The following CCSER1 variants were observed in gnomAD, a reference collection of about 807,000 sequenced individuals.
CCSER1 encodes coiled-coil serine rich protein 1.
Under a neutral mutation model 82.0 loss-of-function variants are expected in CCSER1, and 41 were observed. That is an observed-to-expected ratio of 0.50 (90% confidence interval 0.39 to 0.65). CCSER1 has a LOEUF of 0.65. CCSER1 is among the 30% of genes least tolerant of loss of function. The pLI is 0.00. For synonymous variants in CCSER1, 414 were observed against 383.9 expected (o/e 1.08, Z -0.92); for missense variants, 1,119 against 1,064.2 (o/e 1.05, Z -0.72).
In CCSER1 at chr4:90,912,646, T is replaced by C. The variant is rs1163661475; in HGVS notation, c.2095-10724T>C. Among the ~76,000 whole-genome samples the C allele has an allele frequency of 3.3e-5, 5 of 152,142 alleles. No individual in the cohort carries two copies. The South Asian group carries it at 8.3e-4, about 25-fold the overall frequency. On this transcript the variant is annotated intron_variant, in intron 8 of 10. Coordinates refer to ENST00000509176, the MANE Select transcript of CCSER1 (RefSeq NM_001145065.2). Reference sequence around the variant, plus strand: ...GAACAAAGCTGGACGGAGAACGACATTGACGAGCTGAGAGAAGAAGGCTTC... The same window carrying C: ...GAACAAAGCTGGACGGAGAACGACACTGACGAGCTGAGAGAAGAAGGCTTC...
chr4:91,370,040 T>C lies in CCSER1; in HGVS notation c.2218-228532T>C, dbSNP rs114016483. On this transcript the variant is annotated intron_variant, in intron 10 of 10. Coordinates refer to ENST00000509176, the MANE Select transcript of CCSER1 (RefSeq NM_001145065.2). ...TTACTTCTAAACTATATGATACTTA[T>C]TGTGGTTTCTTAAAATTGATACTAG... 6.1e-3 allele frequency among the ~76,000 whole-genome samples: 935 copies of C among 152,066 alleles called. 14 individuals carry two copies. Among genetic ancestry groups the C allele is most frequent in the African/African-American group, 0.021 (873 of 41,474 alleles).
At chr4:91,412,853 G>C (rs1409170527) in intron 10 of CCSER1, among the ~76,000 whole-genome samples, 3 of 151,986 alleles carry the variant, frequency 2.0e-5, no homozygotes, top group Non-Finnish European at 4.4e-5. Context: ...AACAAATAAA[G>C]CTCCAGGAGC....
At chr4:90,404,402 A>G (rs1753397593) in intron 4 of CCSER1, among the ~76,000 whole-genome samples, 1 of 152,080 alleles carries the variant, frequency 6.6e-6, no homozygotes, top group Non-Finnish European at 1.5e-5. Flanking sequence ...GCCTAAGACA[A>G]AGGTTATAAT....
At chr4:90,172,767 C>T (rs1471092381) in intron 1 of CCSER1, among the ~76,000 whole-genome samples, 2 of 151,838 alleles carry the variant, frequency 1.3e-5, no homozygotes, top group African/African-American at 2.4e-5. Context: ...GAAAGTCATG[C>T]GTACTAGCTA....
chr4:90,622,471 A>G (rs1044550183), intron 5 of CCSER1, among the ~76,000 whole-genome samples: 2 of 152,008 alleles, frequency 1.3e-5, no homozygotes, highest in Non-Finnish European at 2.9e-5. Context: ...TCCTGTGTCC[A>G]AGTGTTCTCA....
intron 6 of CCSER1, among the ~76,000 whole-genome samples, chr4:90,629,810 G>T (rs1458448217): frequency 6.6e-6 from 1 of 152,148 alleles, no homozygotes; most frequent in Non-Finnish European, 1.5e-5. Context: ...TTCAGCAAAG[G>T]CATCAAAATA....
intron 1 of CCSER1, among the ~76,000 whole-genome samples, chr4:90,256,774 C>A (rs982854022): frequency 6.6e-6 from 1 of 152,018 alleles, no homozygotes; most frequent in Non-Finnish European, 1.5e-5. Context: ...TGTGGTTTTG[C>A]TTTCCACGAC....
At chr4:90,199,899 G>A (rs1015908422) in intron 1 of CCSER1, among the ~76,000 whole-genome samples, 13 of 151,966 alleles carry the variant, frequency 8.6e-5, no homozygotes, top group African/African-American at 2.4e-4. Flanking sequence ...TCCTAGATTC[G>A]CTAAAGAAGT....
At chr4:90,627,975 C>A in intron 5 of CCSER1, 50 bp from the exon 6 acceptor site, 1 of 1,425,574 alleles carries the variant, frequency 7.0e-7, no homozygotes, top group Non-Finnish European at 9.9e-7. Flanking sequence ...GGAAATACTG[C>A]TCTAAGCATG....
At chr4:90,282,866 A>G (rs1390030522) in intron 1 of CCSER1, among the ~76,000 whole-genome samples, 3 of 151,880 alleles carry the variant, frequency 2.0e-5, no homozygotes, top group East Asian at 1.9e-4. Context: ...ACTCTGTTCA[A>G]TCTACTCTTA....
chr4:91,073,586 A>C (rs1721652089), intron 9 of CCSER1, among the ~76,000 whole-genome samples: 1 of 152,184 alleles, frequency 6.6e-6, no homozygotes, highest in Non-Finnish European at 1.5e-5. Flanking sequence ...TATAATTGGA[A>C]ATTGAAACTG....
intron 10 of CCSER1, among the ~76,000 whole-genome samples, chr4:91,533,206 T>TTA (rs1443564329): frequency 3.9e-5 from 6 of 152,204 alleles, no homozygotes; most frequent in African/African-American, 1.4e-4. Context: ...TTATATCATT[T>TTA]TATATACTTA....
At chr4:90,871,431 C>T (rs1766485108) in intron 8 of CCSER1, among the ~76,000 whole-genome samples, 1 of 151,856 alleles carries the variant, frequency 6.6e-6, no homozygotes, top group Non-Finnish European at 1.5e-5. Context: ...ACCCAGTGGT[C>T]ATTCAGAGCA....
chr4:90,246,208 A>ATG (rs931564869), intron 1 of CCSER1, among the ~76,000 whole-genome samples: 3 of 151,832 alleles, frequency 2.0e-5, no homozygotes, highest in Admixed American at 6.6e-5. Flanking sequence ...AATAATGTGT[A>ATG]TGTGTGTGTG....
intron 10 of CCSER1, chr4:91,107,981 A>G (rs1202185541): frequency 6.6e-6 from 1 of 152,186 alleles, no homozygotes; most frequent in East Asian, 1.9e-4. Context: ...GATTTCTGCC[A>G]TACCGATGTC....
chr4:91,412,685 C>T (rs1753127896), intron 10 of CCSER1, among the ~76,000 whole-genome samples: 2 of 152,034 alleles, frequency 1.3e-5, no homozygotes. Flanking sequence ...ATCTTTTAAG[C>T]AACTTTATCA....
chr4:90,928,845 A>G (rs1222266909), intron 9 of CCSER1, among the ~76,000 whole-genome samples: 1 of 152,092 alleles, frequency 6.6e-6, no homozygotes, highest in Admixed American at 6.5e-5. Flanking sequence ...TTTACACATC[A>G]TGTAGTATAA....
chr4:91,236,064 T>C (rs975054116), intron 10 of CCSER1, among the ~76,000 whole-genome samples: 1 of 152,182 alleles, frequency 6.6e-6, no homozygotes, highest in Non-Finnish European at 1.5e-5. Flanking sequence ...TGTTGAGAAT[T>C]GATGCAAGTA....
At chr4:90,923,616 A>AG (rs1477569595) in intron 9 of CCSER1, 169 bp downstream of exon 9, 2 of 522,486 alleles carry the variant, frequency 3.8e-6, no homozygotes, top group African/African-American at 3.9e-5. Context: ...GAACTAAAAA[A>AG]GATGATTACA....
Sources: allele counts gnomAD v4.1 joint callset (sites outside exome capture counted in the v4.1 genomes callset), GRCh38; gene constraint gnomAD v4.1.1; transcripts MANE v1.5; gene names NCBI Gene and HGNC (gene_info 2026-07-23, HGNC 2026-07-21).